The following FBXW10 variants were observed in gnomAD, a reference collection of about 807,000 sequenced individuals.
FBXW10 encodes the protein F-box and WD repeat domain containing 10.
Under a neutral mutation model 113.1 loss-of-function variants are expected in FBXW10, and 68 were observed. The observed-to-expected ratio is 0.60, with a 90% confidence interval of 0.49 to 0.74. FBXW10 has a LOEUF of 0.74. Among genes scored for constraint, FBXW10 ranks in the 30% least tolerant of loss-of-function variants. The pLI, the probability that FBXW10 is intolerant of heterozygous loss-of-function variation, is 0.00. For synonymous variants in FBXW10, 289 were observed against 481.6 expected (o/e 0.60, Z 5.24); for missense variants, 753 against 1,284.5 (o/e 0.59, Z 6.32).
chr17:18,762,766 C>A (rs1305752639), intron 7 of FBXW10, among the ~76,000 whole-genome samples: 2 of 151,960 alleles, frequency 1.3e-5, no homozygotes, highest in Non-Finnish European at 2.9e-5. Flanking sequence ...GAAGGGAATA[C>A]ATCTACAGTT....
At position 18,767,549 on chromosome 17, in the gene FBXW10, G is replaced by C. The variant is rs143325815; in HGVS notation, c.1704+687G>C. 8.2e-4 allele frequency among the ~76,000 whole-genome samples: 124 copies of C among 151,916 alleles called. 4 individuals carry two copies. The East Asian group carries it at 0.015, about 19-fold the overall frequency. On this transcript the variant is annotated intron_variant, in intron 9 of 13. Transcript: ENST00000395665. ...GAACAGAGAATTTTTTTTTCTCCAT[G>C]CTCTCTAATGAAGAGAGAACATGGA...
At chr17:18,748,458 G>T (rs962068232) in intron 2 of FBXW10, among the ~76,000 whole-genome samples, 2 of 149,272 alleles carry the variant, frequency 1.3e-5, no homozygotes, top group African/African-American at 4.9e-5. Context: ...ACCAATGTGA[G>T]ATTGGGAAGA....
intron 10 of FBXW10, among the ~76,000 whole-genome samples, chr17:18,769,118 G>A (rs2151824428): frequency 6.6e-6 from 1 of 151,764 alleles, no homozygotes; most frequent in Non-Finnish European, 1.5e-5. Context: ...TGTATTTTTA[G>A]TAGAGATGGG....
At position 18,772,702 on chromosome 17, in the gene FBXW10, A is replaced by T; in HGVS notation, c.2278+19A>T. 4 of 1,601,668 alleles carry T rather than the reference A, an allele frequency of 2.5e-6. No homozygotes were observed. Among genetic ancestry groups the T allele is most frequent in the Non-Finnish European group, 2.6e-6 (3 of 1,174,204 alleles). ...TCTTCAGGTAAAAAACTGAAATACC[A>T]GCAAGTTCAGTGATAACCCACAGAG... On this transcript the variant is annotated intron_variant, in intron 12 of 13. Coordinates refer to ENST00000395665, the MANE Select transcript of FBXW10 (RefSeq NM_001267585.2).
chr17:18,751,145 G>T, intron 5 of FBXW10, 92 bp downstream of exon 5: 1 of 1,542,010 alleles, frequency 6.5e-7, no homozygotes, highest in South Asian at 1.2e-5. Flanking sequence ...CCTGGAGTGA[G>T]GACAGAGGAT....
At chr17:18,768,159 C>T (rs1444089243) in intron 9 of FBXW10, among the ~76,000 whole-genome samples, 1 of 151,842 alleles carries the variant, frequency 6.6e-6, no homozygotes, top group Admixed American at 6.6e-5. Context: ...CCTCCATCTC[C>T]CTGGTTCAAG....
In FBXW10 at chr17:18,755,944, T is replaced by A. The variant is rs1343208429; in HGVS notation, c.1123-101T>A. The A allele has an allele frequency of 5.2e-6, 6 of 1,148,614 alleles. No homozygotes were observed. In the Admixed American group the frequency reaches 1.4e-4, roughly 26 times the overall value. 71.2% of individuals were successfully genotyped at this position (1,148,614 alleles called of 1,614,324 possible). On this transcript the variant is annotated intron_variant, in intron 5 of 13. Transcript: ENST00000395665. The stretch of plus-strand genomic sequence containing the variant: ...GCAGCCTCAGCCTTCAGAGGAAGAA[T>A]CCGTGAGCCCTGTGCCCTTACCAGG...
chr17:18,747,109 A>G (rs2151785650), intron 1 of FBXW10, among the ~76,000 whole-genome samples: 1 of 151,648 alleles, frequency 6.6e-6, no homozygotes, highest in African/African-American at 2.4e-5. Flanking sequence ...TGTATTTCTA[A>G]TAGAGACGGG....
chr17:18,765,376 C>T (rs1193122395), intron 8 of FBXW10, among the ~76,000 whole-genome samples: 2 of 152,148 alleles, frequency 1.3e-5, no homozygotes, highest in African/African-American at 2.4e-5. Context: ...TAGGGCTAAC[C>T]GAGCAGAAAT....
At chr17:18,747,733 A>G (rs1270136800) in intron 1 of FBXW10, among the ~76,000 whole-genome samples, 5 of 152,022 alleles carry the variant, frequency 3.3e-5, no homozygotes, top group African/African-American at 1.2e-4. Flanking sequence ...AAATTTTACA[A>G]TGGGGGCGTG....
In FBXW10 at chr17:18,744,076, A is replaced by C; in HGVS notation, c.-169A>C. The C allele has an allele frequency of 1.0e-6, 1 of 1,004,016 alleles. No homozygotes were observed. The highest frequency in any genetic ancestry group is 1.7e-5 in the South Asian group (1 of 58,460). The allele number at this position is 1,004,016 out of a possible 1,614,324, so 62.2% of individuals were successfully genotyped here. On this transcript the variant is annotated 5_prime_UTR_variant, in exon 1 of 14. Transcript: ENST00000395665. ...GCCAGACTTCTGCTGGCAGTTACTG[A>C]GAGAGATAGGCTTTCCATCCATGGC...
At chr17:18,772,712 G>A (rs375966968) in intron 12 of FBXW10, 29 bp downstream of exon 12, 251 of 1,596,798 alleles carry the variant, frequency 1.6e-4, no homozygotes, top group Admixed American at 2.6e-4. Context: ...AGCAAGTTCA[G>A]TGATAACCCA....
intron 1 of FBXW10, among the ~76,000 whole-genome samples, chr17:18,747,268 T>G (rs2035056517): frequency 6.6e-6 from 1 of 152,098 alleles, no homozygotes; most frequent in Non-Finnish European, 1.5e-5. Flanking sequence ...TCTTAAAAAA[T>G]TAAATGTTCT....
intron 6 of FBXW10, among the ~76,000 whole-genome samples, chr17:18,757,843 T>G (rs1448320056): frequency 5.3e-5 from 8 of 152,252 alleles, no homozygotes; most frequent in Admixed American, 4.6e-4. Flanking sequence ...TTATATTTCC[T>G]GTGGTATCTA....
At chr17:18,772,309 C>T in intron 11 of FBXW10, 103 bp from the exon 12 acceptor site, 2 of 1,106,114 alleles carry the variant, frequency 1.8e-6, no homozygotes, top group East Asian at 2.4e-5. Flanking sequence ...ATCACCTGGG[C>T]ACTGTTCCTT....
rs777465150 is a variant in FBXW10 at position 18,772,427 on chromosome 17, A to G, written c.2022A>G (p.Thr674=). The G allele has an allele frequency of 3.7e-6, 6 of 1,613,908 alleles. No individual in the cohort carries two copies. In the East Asian group the frequency reaches 1.3e-4, roughly 36 times the overall value. Residue 674 remains threonine, a synonymous_variant, in exon 12 of 14, where the codon ACA becomes ACG. Coordinates refer to ENST00000395665, the MANE Select transcript of FBXW10 (RefSeq NM_001267585.2). ...FIQGNRMVVN[T]ESNVLMFQFE... is the part of the protein sequence containing the mutation. ...TCGGTTCCAGGATGGTGGTCAACACAGAGAGCAATGTTCTCATGTTCCAGT... is the reference window on the plus strand; with the variant it reads ...TCGGTTCCAGGATGGTGGTCAACACGGAGAGCAATGTTCTCATGTTCCAGT...
chr17:18,770,815 G>T (rs1311969155), intron 11 of FBXW10, among the ~76,000 whole-genome samples: 1 of 152,110 alleles, frequency 6.6e-6, no homozygotes, highest in African/African-American at 2.4e-5. Context: ...GCAGCAGGGG[G>T]TACAGTGGGG....
chr17:18,747,686 C>T (rs1334395493), intron 1 of FBXW10, among the ~76,000 whole-genome samples: 2 of 152,028 alleles, frequency 1.3e-5, no homozygotes, highest in East Asian at 1.9e-4. Context: ...TTCCTGACCT[C>T]GACTCTCTCT....
intron 5 of FBXW10, among the ~76,000 whole-genome samples, chr17:18,755,053 A>C (rs187560926): frequency 2.0e-5 from 3 of 150,494 alleles, no homozygotes; most frequent in South Asian, 4.2e-4. Context: ...ACCTGAGGTC[A>C]GGAGTTCGAG....
Sources: allele counts gnomAD v4.1 joint callset (sites outside exome capture counted in the v4.1 genomes callset), GRCh38; gene constraint gnomAD v4.1.1; transcripts MANE v1.5; gene names NCBI Gene and HGNC (gene_info 2026-07-23, HGNC 2026-07-21).